The following GRID2 variants were observed in gnomAD, a reference collection of about 807,000 sequenced individuals.
GRID2 encodes glutamate receptor ionotropic, delta-2.
Under a neutral mutation model 114.8 loss-of-function variants are expected in GRID2, and 33 were observed. The observed-to-expected ratio is 0.29, with a 90% CI of 0.22 to 0.38. GRID2 has a LOEUF of 0.38. Among genes scored for constraint, GRID2 ranks in the 10% least tolerant of loss-of-function variants. The probability of loss-of-function intolerance (pLI) is 1.00; values close to 1 mark genes in which losing one functional copy is unlikely to be tolerated. For synonymous variants in GRID2, 505 were observed against 449.9 expected (o/e 1.12, Z -1.55); for missense variants, 1,184 against 1,257.7 (o/e 0.94, Z 0.89).
At chr4:93,415,447 G>A (rs537575094) in intron 9 of GRID2, among the ~76,000 whole-genome samples, 5 of 152,134 alleles carry the variant, frequency 3.3e-5, no homozygotes, top group African/African-American at 4.8e-5. Flanking sequence ...TACTCAAAAC[G>A]CAGTCTGAGA....
At chr4:92,338,114 A>G (rs1727280871) in intron 1 of GRID2, among the ~76,000 whole-genome samples, 1 of 152,166 alleles carries the variant, frequency 6.6e-6, no homozygotes, top group Non-Finnish European at 1.5e-5. Flanking sequence ...GGGACATGGT[A>G]GGATTTTGAT....
At chr4:93,213,746 C>T (rs1241461888) in intron 5 of GRID2, among the ~76,000 whole-genome samples, 1 of 152,126 alleles carries the variant, frequency 6.6e-6, no homozygotes, top group Non-Finnish European at 1.5e-5. Context: ...GAGATTTCTT[C>T]TGGGAAATGG....
intron 1 of GRID2, among the ~76,000 whole-genome samples, chr4:92,551,511 G>C (rs1478815718): frequency 1.3e-5 from 2 of 152,046 alleles, no homozygotes; most frequent in Non-Finnish European, 2.9e-5. Flanking sequence ...CCTTATCTCA[G>C]AGATAGATAA....
rs150348616 is a variant in GRID2, at chr4:93,441,179, C to G, written c.1546-14483C>G. Among the ~76,000 whole-genome samples, 14 of 152,158 alleles carry G rather than the reference C, an allele frequency of 9.2e-5. No individual in the cohort carries two copies. In the East Asian group the frequency reaches 2.1e-3, roughly 23 times the overall value. On this transcript the variant is annotated intron_variant, in intron 10 of 15. Coordinates refer to ENST00000282020, the MANE Select transcript of GRID2 (RefSeq NM_001510.4). Reference sequence around the variant, plus strand: ...ACCTAGAATTTCATCTATCCCTGATCATGGTTTGGAGATAAAATTAATGAG... The same window carrying G: ...ACCTAGAATTTCATCTATCCCTGATGATGGTTTGGAGATAAAATTAATGAG...
At chr4:93,676,338 A>G (rs1280889846) in intron 14 of GRID2, among the ~76,000 whole-genome samples, 1 of 152,182 alleles carries the variant, frequency 6.6e-6, no homozygotes, top group Admixed American at 6.5e-5. Flanking sequence ...GAACCAAATT[A>G]GGCCTCAAAG....
intron 10 of GRID2, among the ~76,000 whole-genome samples, chr4:93,451,435 A>G (rs1722671670): frequency 6.6e-6 from 1 of 152,116 alleles, no homozygotes. Context: ...TGGGAACAGC[A>G]TGTACAAAGA....
At chr4:93,239,408 C>A (rs1419210632) in intron 8 of GRID2, among the ~76,000 whole-genome samples, 3 of 123,310 alleles carry the variant, frequency 2.4e-5, no homozygotes, top group Admixed American at 8.8e-5. Context: ...ATTGTGTACG[C>A]AGAGCTGGTA....
intron 2 of GRID2, among the ~76,000 whole-genome samples, chr4:93,008,803 C>A (rs1381327833): frequency 1.3e-5 from 2 of 152,042 alleles, no homozygotes; most frequent in Non-Finnish European, 1.5e-5. Context: ...TAAAATTTCT[C>A]CTTCCAAATG....
At chr4:92,315,221 G>A (rs1299484571) in intron 1 of GRID2, among the ~76,000 whole-genome samples, 1 of 152,152 alleles carries the variant, frequency 6.6e-6, no homozygotes, top group Non-Finnish European at 1.5e-5. Context: ...GTTGTTGTAA[G>A]TGTTATGTCC....
chr4:93,412,996 T>C lies in GRID2; in HGVS notation c.1348-9775T>C, dbSNP rs181744681. Among the ~76,000 whole-genome samples, 31 of 152,308 alleles carry C rather than the reference T, an allele frequency of 2.0e-4. 1 individual carries two copies. Among genetic ancestry groups the C allele is most frequent in the Admixed American group, 1.6e-3 (25 of 15,302 alleles). On this transcript the variant is annotated intron_variant, in intron 9 of 15. Coordinates refer to ENST00000282020, the MANE Select transcript of GRID2 (RefSeq NM_001510.4). ...CACATTTTCTTTATTCAGTATATCA[T>C]TGATGGGCATTTGGGTTGGTTCCAA...
chr4:92,511,499 T>G (rs1343322841), intron 1 of GRID2, among the ~76,000 whole-genome samples: 1 of 151,866 alleles, frequency 6.6e-6, no homozygotes, highest in African/African-American at 2.4e-5. Context: ...GGGTCACTAT[T>G]AGTTACATCT....
intron 11 of GRID2, among the ~76,000 whole-genome samples, chr4:93,473,161 T>G (rs1274001379): frequency 6.6e-6 from 1 of 152,186 alleles, no homozygotes; most frequent in East Asian, 1.9e-4. Context: ...TGTGTGTACA[T>G]AAATATAACT....
intron 12 of GRID2, among the ~76,000 whole-genome samples, chr4:93,498,234 A>G (rs1355010066): frequency 1.3e-5 from 2 of 151,822 alleles, no homozygotes; most frequent in East Asian, 3.9e-4. Flanking sequence ...GGTGAGGGCC[A>G]GGTTTCTGCT....
chr4:93,440,517 A>G (rs1465974366), intron 10 of GRID2, among the ~76,000 whole-genome samples: 1 of 152,122 alleles, frequency 6.6e-6, no homozygotes, highest in Non-Finnish European at 1.5e-5. Context: ...ACATGTGGTC[A>G]TAAGAATACA....
intron 8 of GRID2, among the ~76,000 whole-genome samples, chr4:93,296,219 T>C (rs1488661735): frequency 1.3e-5 from 2 of 152,198 alleles, no homozygotes; most frequent in African/African-American, 4.8e-5. Flanking sequence ...TATTTTCACA[T>C]TGCTCCTCTT....
intron 2 of GRID2, among the ~76,000 whole-genome samples, chr4:92,612,555 A>C (rs1729808474): frequency 6.6e-6 from 1 of 151,436 alleles, no homozygotes; most frequent in African/African-American, 2.4e-5. Flanking sequence ...TACCATCTTA[A>C]CAATATTGAG....
At chr4:93,134,897 G>A (rs899103469) in intron 4 of GRID2, among the ~76,000 whole-genome samples, 2 of 151,976 alleles carry the variant, frequency 1.3e-5, no homozygotes, top group African/African-American at 2.4e-5. Flanking sequence ...GCTGTTTGGC[G>A]TATTGAAACT....
intron 8 of GRID2, among the ~76,000 whole-genome samples, chr4:93,353,712 G>T (rs1323813550): frequency 6.6e-6 from 1 of 152,102 alleles, no homozygotes; most frequent in Non-Finnish European, 1.5e-5. Context: ...AATTCCAAAG[G>T]TGTTTTAAAA....
chr4:93,346,582 T>C (rs1760258728), intron 8 of GRID2, among the ~76,000 whole-genome samples: 1 of 152,188 alleles, frequency 6.6e-6, no homozygotes, highest in South Asian at 2.1e-4. Context: ...TTCATTGTTG[T>C]GTCATTAAAC....
Sources: gnomAD v4.1 joint callset for allele counts (sites outside exome capture counted in the v4.1 genomes callset) on GRCh38, gnomAD v4.1.1 for gene constraint, MANE v1.5 for transcripts, NCBI Gene and HGNC (gene_info 2026-07-23, HGNC 2026-07-21) for gene names.